The following EPHA6 variants were observed in gnomAD, a reference collection of about 807,000 sequenced individuals.
EPHA6 encodes the protein EPH receptor A6, also known as ephrin type-A receptor 6.
EPHA6 carries 50 observed loss-of-function variants against 112.0 expected under a neutral mutation model. The ratio of observed to expected loss-of-function variants is 0.45; its 90% CI spans 0.36 to 0.56. The LOEUF (loss-of-function observed/expected upper bound fraction) is 0.56. EPHA6 is among the 20% of genes least tolerant of loss of function. The pLI, the probability that EPHA6 is intolerant of heterozygous loss-of-function variation, is 0.00. For synonymous variants in EPHA6, 529 were observed against 490.7 expected (o/e 1.08, Z -1.03); for missense variants, 1,280 against 1,417.4 (o/e 0.90, Z 1.56).
intron 3 of EPHA6, among the ~76,000 whole-genome samples, chr3:97,220,860 T>A (rs527680402): frequency 6.6e-6 from 1 of 152,328 alleles, no homozygotes; most frequent in East Asian, 1.9e-4. Context: ...CATAGCCATA[T>A]CTACTATTTA....
At chr3:97,525,637 A>G (rs1457787458) in intron 10 of EPHA6, among the ~76,000 whole-genome samples, 1 of 152,168 alleles carries the variant, frequency 6.6e-6, no homozygotes, top group African/African-American at 2.4e-5. Flanking sequence ...AATAGATTTG[A>G]CAAACTAAAA....
At chr3:97,715,542 T>G (rs1427936618) in intron 14 of EPHA6, among the ~76,000 whole-genome samples, 1 of 152,216 alleles carries the variant, frequency 6.6e-6, no homozygotes, top group Non-Finnish European at 1.5e-5. Flanking sequence ...ACCTTCAAGA[T>G]AACCATCAAA....
intron 5 of EPHA6, among the ~76,000 whole-genome samples, chr3:97,317,627 G>A (rs928025473): frequency 1.3e-5 from 2 of 151,792 alleles, no homozygotes; most frequent in African/African-American, 2.4e-5. Flanking sequence ...ATTATGCATG[G>A]AGTTTTTTTT....
At chr3:97,052,717 T>C (rs2045722771) in intron 3 of EPHA6, among the ~76,000 whole-genome samples, 2 of 152,078 alleles carry the variant, frequency 1.3e-5, no homozygotes, top group African/African-American at 2.4e-5. Context: ...CATTTTCAGA[T>C]AGTAGGGGAT....
At chr3:97,256,053 G>A (rs1334558164) in intron 5 of EPHA6, among the ~76,000 whole-genome samples, 1 of 152,006 alleles carries the variant, frequency 6.6e-6, no homozygotes, top group Admixed American at 6.6e-5. Context: ...CTTATGATAT[G>A]GTCTCTTTCC....
At chr3:97,008,392 G>A (rs189050612) in intron 3 of EPHA6, among the ~76,000 whole-genome samples, 2 of 152,078 alleles carry the variant, frequency 1.3e-5, no homozygotes, top group African/African-American at 4.8e-5. Flanking sequence ...CCGCTGGGTC[G>A]ATTTGGCTGT....
intron 14 of EPHA6, among the ~76,000 whole-genome samples, chr3:97,643,068 G>A (rs1368718657): frequency 6.6e-6 from 1 of 152,200 alleles, no homozygotes; most frequent in South Asian, 2.1e-4. Flanking sequence ...TCAAAGGGAA[G>A]CCCATCCGAC....
chr3:96,932,444 A>T (rs2040373088), intron 2 of EPHA6, among the ~76,000 whole-genome samples: 1 of 151,094 alleles, frequency 6.6e-6, no homozygotes, highest in Non-Finnish European at 1.5e-5. Flanking sequence ...ACTTTACCAA[A>T]ATCCTTTAAA....
chr3:97,009,914 C>T (rs536204162), intron 3 of EPHA6: 4 of 462,544 alleles, frequency 8.6e-6, no homozygotes, highest in Admixed American at 4.9e-5. Context: ...GTCATGCTAG[C>T]CTTCTAGTCA....
intron 3 of EPHA6, among the ~76,000 whole-genome samples, chr3:97,160,413 A>T (rs1434395763): frequency 6.6e-6 from 1 of 151,850 alleles, no homozygotes; most frequent in Non-Finnish European, 1.5e-5. Context: ...AGTAGCTGGG[A>T]TTACAGGTGC....
chr3:96,992,935 G>C (rs2043270320), intron 3 of EPHA6, among the ~76,000 whole-genome samples: 2 of 152,058 alleles, frequency 1.3e-5, no homozygotes. Context: ...CTAATTATTT[G>C]TGTATCTGTT....
intron 1 of EPHA6, among the ~76,000 whole-genome samples, chr3:96,844,809 G>T (rs2034974870): frequency 6.6e-6 from 1 of 151,946 alleles, no homozygotes; most frequent in Non-Finnish European, 1.5e-5. Flanking sequence ...CAAGACAGAT[G>T]TCAAGAAGGG....
chr3:97,658,879 G>A (rs2094152530), intron 14 of EPHA6, among the ~76,000 whole-genome samples: 2 of 152,014 alleles, frequency 1.3e-5, no homozygotes, highest in South Asian at 4.1e-4. Context: ...CTCTTGTGGT[G>A]AATGAATGGA....
intron 3 of EPHA6, among the ~76,000 whole-genome samples, chr3:97,058,451 C>T (rs928969023): frequency 6.6e-6 from 1 of 152,070 alleles, no homozygotes; most frequent in Non-Finnish European, 1.5e-5. Flanking sequence ...GCAGGCACCA[C>T]CCTCCGGCCC....
chr3:97,312,198 C>T (rs2081594774), intron 5 of EPHA6, among the ~76,000 whole-genome samples: 1 of 151,138 alleles, frequency 6.6e-6, no homozygotes, highest in Admixed American at 6.6e-5. Context: ...TTATTTTTTC[C>T]CGTGTACACA....
At chr3:97,324,424 T>TCTTTCTTA (rs1559883713) in intron 5 of EPHA6, among the ~76,000 whole-genome samples, 8 of 144,486 alleles carry the variant, frequency 5.5e-5, no homozygotes, top group African/African-American at 2.1e-4. Context: ...TTTCTTTCTT[T>TCTTTCTTA]CTTTCTTTCT....
chr3:97,576,241 T>C (rs2093383132), intron 11 of EPHA6, among the ~76,000 whole-genome samples: 1 of 152,178 alleles, frequency 6.6e-6, no homozygotes, highest in South Asian at 2.1e-4. Context: ...AAACATCCTA[T>C]AAAGCTTCAA....
At chr3:97,748,254 T>C (rs2035797505) in intron 17 of EPHA6, among the ~76,000 whole-genome samples, 1 of 152,128 alleles carries the variant, frequency 6.6e-6, no homozygotes, top group Admixed American at 6.6e-5. Context: ...ATATAGCATT[T>C]ACGCCTATGA....
chr3:96,862,567 G>A (rs1198798910), intron 1 of EPHA6, among the ~76,000 whole-genome samples: 1 of 151,768 alleles, frequency 6.6e-6, no homozygotes, highest in African/African-American at 2.4e-5. Context: ...TACTTTCTTA[G>A]TGGCTTGATT....
Sources: gnomAD v4.1 joint callset for allele counts (sites outside exome capture counted in the v4.1 genomes callset) on GRCh38, gnomAD v4.1.1 for gene constraint, MANE v1.5 for transcripts, NCBI Gene and HGNC (gene_info 2026-07-23, HGNC 2026-07-21) for gene names.